Variants in CMSS1 observed in about 807,000 individuals in gnomAD.
CMSS1 encodes the protein cms1 ribosomal small subunit homolog.
CMSS1 carries 33 observed loss-of-function variants against 43.5 expected under a neutral mutation model. The ratio of observed to expected loss-of-function variants is 0.76; its 90% CI spans 0.57 to 1.01. The LOEUF (loss-of-function observed/expected upper bound fraction) is 1.01, where lower values mean the gene tolerates loss of function less well. Ranked by LOEUF, CMSS1 falls within the 50% of genes least tolerant of loss-of-function variation. The pLI, the probability that CMSS1 is intolerant of heterozygous loss-of-function variation, is 0.00. For synonymous variants in CMSS1, 115 were observed against 117.2 expected, an observed-to-expected ratio of 0.98 and a Z score of 0.12; for missense variants, 313 against 326.4, an observed-to-expected ratio of 0.96 and a Z score of 0.32.
At chr3:100,103,825 C>G (rs932991122) in intron 1 of CMSS1, among the ~76,000 whole-genome samples, 7 of 152,100 alleles carry the variant, frequency 4.6e-5, no homozygotes, top group Non-Finnish European at 8.8e-5. Context: ...CTGTGTTATC[C>G]TAAAGAAAAG....
intron 1 of CMSS1, among the ~76,000 whole-genome samples, chr3:100,064,302 T>C (rs1190110142): frequency 6.6e-6 from 1 of 152,226 alleles, no homozygotes; most frequent in Non-Finnish European, 1.5e-5. Flanking sequence ...ACAAAACTTC[T>C]GACGATTTCC....
chr3:100,075,015 A>AT (rs954451488), intron 1 of CMSS1, among the ~76,000 whole-genome samples: 3 of 151,850 alleles, frequency 2.0e-5, no homozygotes, highest in African/African-American at 7.3e-5. Flanking sequence ...TATAATAATG[A>AT]TTTTTTATAA....
chr3:99,920,229 A>G (rs1188097731), intron 1 of CMSS1, among the ~76,000 whole-genome samples: 1 of 152,228 alleles, frequency 6.6e-6, no homozygotes, highest in Non-Finnish European at 1.5e-5. Flanking sequence ...GAATTCTAAG[A>G]AAGAATGCAT....
At chr3:99,995,911 T>C (rs1186567745) in intron 1 of CMSS1, among the ~76,000 whole-genome samples, 1 of 152,204 alleles carries the variant, frequency 6.6e-6, no homozygotes, top group Non-Finnish European at 1.5e-5. Flanking sequence ...CGTAGGCCTC[T>C]GGGCTGATGA....
chr3:100,073,620 G>T (rs868090907), intron 1 of CMSS1, among the ~76,000 whole-genome samples: 12 of 152,090 alleles, frequency 7.9e-5, no homozygotes, highest in Admixed American at 2.0e-4. Context: ...CATTTTGTTA[G>T]AGCTCCTCAA....
At chr3:99,888,246 C>A (rs541225006) in intron 1 of CMSS1, among the ~76,000 whole-genome samples, 7 of 152,052 alleles carry the variant, frequency 4.6e-5, no homozygotes, top group East Asian at 1.9e-4. Flanking sequence ...ATGTTGTGCA[C>A]CTGTTGCTAC....
chr3:100,117,638 C>A (rs941883077), intron 1 of CMSS1, among the ~76,000 whole-genome samples: 8 of 151,316 alleles, frequency 5.3e-5, no homozygotes, highest in Non-Finnish European at 1.0e-4. Context: ...AAATACACAG[C>A]AGATCTCAAA....
chr3:100,003,766 A>T (rs139876063), intron 1 of CMSS1, among the ~76,000 whole-genome samples: 1 of 152,290 alleles, frequency 6.6e-6, no homozygotes, highest in African/African-American at 2.4e-5. Flanking sequence ...AGATGCTAAA[A>T]GTCAAGAGCA....
At chr3:100,013,617 C>A (rs762604100) in intron 1 of CMSS1, among the ~76,000 whole-genome samples, 4 of 152,186 alleles carry the variant, frequency 2.6e-5, no homozygotes, top group East Asian at 1.9e-4. Context: ...AAATGAATGA[C>A]CATATTCATT....
intron 1 of CMSS1, among the ~76,000 whole-genome samples, chr3:99,988,541 G>GAAAAA (rs1052028825): frequency 6.9e-6 from 1 of 145,656 alleles, no homozygotes; most frequent in African/African-American, 2.5e-5. Flanking sequence ...GAAAGAAAAG[G>GAAAAA]AAAAAAAAAG....
In CMSS1 at chr3:100,160,512, T is replaced by C; in HGVS notation, c.225+11T>C. The C allele has an allele frequency of 1.5e-6, 2 of 1,333,494 alleles. No homozygotes were observed. Among genetic ancestry groups the C allele is most frequent in the Non-Finnish European group, 2.1e-6 (2 of 938,552 alleles). The allele number at this position is 1,333,494 out of a possible 1,614,324, so 82.6% of individuals were successfully genotyped here. The stretch of plus-strand genomic sequence containing the variant: ...AGGAAAAGAAGAAAGGTAATATTAA[T>C]AATTTCTTAAATTTGTATGGCCCCA... On this transcript the variant is annotated intron_variant, in intron 3 of 9. Transcript: ENST00000421999.
At chr3:100,045,181 C>T (rs1351987104) in intron 1 of CMSS1, among the ~76,000 whole-genome samples, 3 of 152,214 alleles carry the variant, frequency 2.0e-5, no homozygotes, top group Admixed American at 6.5e-5. Flanking sequence ...CGAATATGAC[C>T]TCTCGAAGCC....
In CMSS1 at chr3:99,983,385, AATAAATATATATATATATATAT is replaced by A. The variant is rs1559713299; in HGVS notation, c.65-163584_65-163563del. Among the ~76,000 whole-genome samples the A allele has an allele frequency of 4.8e-4, 40 of 84,060 alleles. 1 individual carries two copies. Among genetic ancestry groups the A allele is most frequent in the Non-Finnish European group, 3.6e-4 (17 of 46,858 alleles). The allele number at this position is 84,060 out of a possible 152,430, so 55.1% of individuals were successfully genotyped here. A position where few individuals can be genotyped will look rare whatever the true frequency, so the allele number is the denominator to read the frequency against. ...CCTGTCTCTACTTAAAAAATAAATA[AATAAATATATATATATATATAT>A]ATATATATATATGTATGTATGTATG... On this transcript the variant is annotated intron_variant, in intron 1 of 9. Transcript: ENST00000421999.
At chr3:99,880,102 C>T (rs2107600813) in intron 1 of CMSS1, among the ~76,000 whole-genome samples, 1 of 152,276 alleles carries the variant, frequency 6.6e-6, no homozygotes, top group South Asian at 2.1e-4. Flanking sequence ...TGCTACACAA[C>T]TTAGGACGAA....
At chr3:100,004,368 G>A (rs1709928967) in intron 1 of CMSS1, among the ~76,000 whole-genome samples, 1 of 152,144 alleles carries the variant, frequency 6.6e-6, no homozygotes, top group Admixed American at 6.5e-5. Context: ...TGACAGGTTG[G>A]AAGGATTAAT....
chr3:100,078,078 TA>T (rs538006223), intron 1 of CMSS1, among the ~76,000 whole-genome samples: 6,832 of 145,520 alleles, frequency 0.047, 178 homozygotes, highest in African/African-American at 0.066. Flanking sequence ...GGGCTTGCTT[TA>T]AAAAAAAAAA....
intron 1 of CMSS1, among the ~76,000 whole-genome samples, chr3:99,885,887 A>T (rs1576547768): frequency 6.6e-6 from 1 of 152,332 alleles, no homozygotes; most frequent in Non-Finnish European, 1.5e-5. Flanking sequence ...TAGAATGGGG[A>T]ATCTATTTCC....
rs543934005 is a variant in CMSS1, at chr3:100,133,018, A to G, written c.65-13955A>G. Among the ~76,000 whole-genome samples the G allele has an allele frequency of 4.3e-4, 65 of 152,154 alleles. 1 individual carries two copies. In the South Asian group the frequency reaches 0.013, roughly 31 times the overall value. ...AAATTGACCCAAAAGCTTGTGGAAA[A>G]GAGTTTAGAAGTTAAGACCTTTTAA... On this transcript the variant is annotated intron_variant, in intron 1 of 9. Coordinates refer to ENST00000421999, the MANE Select transcript of CMSS1 (RefSeq NM_032359.4).
rs1476524893 is a variant in CMSS1 at position 100,181,468 on chromosome 3, G to C, written c.*3080G>C. On this transcript the variant is annotated 3_prime_UTR_variant, in exon 10 of 10. Transcript: ENST00000421999. ...GTACTGTATAATTAACTAAACTACA[G>C]AGTTTATTTGGATTTCTCCAATTTT... The C allele has an allele frequency of 6.6e-6, 1 of 152,156 alleles. No individual in the cohort carries two copies. The highest frequency in any genetic ancestry group is 2.4e-5 in the African/African-American group (1 of 41,434). 9.4% of individuals were successfully genotyped at this position (152,156 alleles called of 1,614,324 possible).
Sources: gnomAD v4.1 joint callset for allele counts (sites outside exome capture counted in the v4.1 genomes callset) on GRCh38, gnomAD v4.1.1 for gene constraint, MANE v1.5 for transcripts, NCBI Gene and HGNC (gene_info 2026-07-23, HGNC 2026-07-21) for gene names.